Variants in MGRN1 observed in about 807,000 individuals in gnomAD.
The protein encoded by MGRN1 is E3 ubiquitin-protein ligase MGRN1.
Under a neutral mutation model 69.2 loss-of-function variants are expected in MGRN1, and 29 were observed. The ratio of observed to expected loss-of-function variants is 0.42; its 90% CI spans 0.31 to 0.57. The LOEUF (loss-of-function observed/expected upper bound fraction) is 0.57, where lower values mean the gene tolerates loss of function less well. MGRN1 is among the 20% of genes least tolerant of loss of function. MGRN1 has a pLI of 0.15. For missense variants in MGRN1, 998 were observed against 796.2 expected, an observed-to-expected ratio of 1.25 and a Z score of -3.05; for synonymous variants, 470 against 344.2, an observed-to-expected ratio of 1.37 and a Z score of -4.04.
Position 4,688,902 on chromosome 16 carries a change from A to G in MGRN1, c.1725A>G (p.Pro575=). ...ATCCCAGCGCCGCCGAGCTGACCCC[A>G]CTCTGAGAGCCTGGCCGAGCTGGCA... is the stretch of plus-strand genomic sequence containing the variant. The part of the protein sequence containing the change: ...SPDPSAAELT[P]L The change falls in exon 17 of 17, where the codon CCA becomes CCG. Residue 575 remains proline (P), a synonymous_variant. Transcript: ENST00000262370. 1 of 1,542,058 alleles carries G rather than the reference A, an allele frequency of 6.5e-7. No homozygotes were observed. Among genetic ancestry groups the G allele is most frequent in the Non-Finnish European group, 8.8e-7 (1 of 1,140,554 alleles).
intron 4 of MGRN1, among the ~76,000 whole-genome samples, chr16:4,655,974 C>T (rs1168438206): frequency 6.6e-6 from 1 of 152,242 alleles, no homozygotes; most frequent in South Asian, 2.1e-4. Context: ...TCCAACCATG[C>T]TGGGCTCTGG....
chr16:4,652,796 T>A lies in MGRN1; in HGVS notation c.415T>A (p.Ser139Thr), dbSNP rs1450921488. ...GGCCATCACCATCTACTGCCAGGCA[T>A]CGGAGGAGTTCCTGAACGGCAGGGC... Reference protein sequence around the residue: ...RVAITIYCQASEEFLNGRAVY... With the variant: ...RVAITIYCQATEEFLNGRAVY... The change falls in exon 4 of 17, where the codon TCG (serine) becomes ACG (threonine). Residue 139 changes from serine (S) to threonine (T), a missense_variant. By Grantham distance (58) the Ser-to-Thr change is moderately conservative. Coordinates refer to ENST00000262370, the MANE Select transcript of MGRN1 (RefSeq NM_015246.4). 1.9e-6 allele frequency: 3 copies of A among 1,610,486 alleles called. No homozygotes were observed. The highest frequency in any genetic ancestry group is 1.7e-6 in the Non-Finnish European group (2 of 1,178,506).
Position 4,681,650 on chromosome 16 carries a change from A to G in MGRN1, c.1232A>G (p.Tyr411Cys). The G allele has an allele frequency of 6.2e-7, 1 of 1,613,456 alleles. No individual in the cohort carries two copies. Among genetic ancestry groups the G allele is most frequent in the Non-Finnish European group, 8.5e-7 (1 of 1,180,010 alleles). ...VSPAIPSAPLYEEITYSGISD... is the reference protein window; with the variant it reads ...VSPAIPSAPLCEEITYSGISD... Reference sequence around the variant, plus strand: ...CCGGCCATCCCCTCGGCCCCTCTTTATGAAGAAATCACCTATTCAGGCATC... The same window carrying G: ...CCGGCCATCCCCTCGGCCCCTCTTTGTGAAGAAATCACCTATTCAGGCATC... Residue 411 changes from tyrosine to cysteine, a missense_variant, in exon 13 of 17, where the codon TAT (tyrosine) becomes TGT (cysteine). Transcript: ENST00000262370.
chr16:4,650,529 C>A (rs753862659), intron 2 of MGRN1, 46 bp downstream of exon 2: 8 of 1,461,592 alleles, frequency 5.5e-6, no homozygotes, highest in Admixed American at 2.1e-5. Flanking sequence ...GGGTGGGAGG[C>A]CCCTGTCCCC....
At chr16:4,650,601 GCTC>G in intron 2 of MGRN1, 118 bp downstream of exon 2, 4 of 771,668 alleles carry the variant, frequency 5.2e-6, no homozygotes, top group Non-Finnish European at 8.3e-6. Flanking sequence ...AGGGGGCAGA[GCTC>G]CTGGCAGGAT....
intron 1 of MGRN1, among the ~76,000 whole-genome samples, chr16:4,642,128 C>CTT (rs34264611): frequency 0.061 from 7,896 of 128,704 alleles, 672 homozygotes; most frequent in African/African-American, 0.19. Flanking sequence ...GACTTGGTTC[C>CTT]TTTTTTTTTT....
chr16:4,672,822 A>T (rs2078968782), intron 9 of MGRN1, among the ~76,000 whole-genome samples: 1 of 152,042 alleles, frequency 6.6e-6, no homozygotes, highest in Non-Finnish European at 1.5e-5. Flanking sequence ...CTAACATATT[A>T]ACTTGTTTTT....
chr16:4,647,092 G>A (rs576820377), intron 1 of MGRN1, among the ~76,000 whole-genome samples: 51 of 152,368 alleles, frequency 3.3e-4, no homozygotes, highest in Admixed American at 3.3e-4. Flanking sequence ...GGGTCACTGG[G>A]CTTCCCACAC....
chr16:4,675,878 C>T (rs999522451), intron 10 of MGRN1, among the ~76,000 whole-genome samples: 2 of 152,210 alleles, frequency 1.3e-5, no homozygotes, highest in Non-Finnish European at 2.9e-5. Flanking sequence ...TGAGTGTCTT[C>T]CAGTAGAGGG....
chr16:4,627,747 G>A (rs1041995188), intron 1 of MGRN1, among the ~76,000 whole-genome samples: 27 of 151,136 alleles, frequency 1.8e-4, no homozygotes, highest in Non-Finnish European at 3.4e-4. Flanking sequence ...CCGAGATTGC[G>A]CCACTGCACT....
rs749601050 is a variant in MGRN1 at position 4,651,965 on chromosome 16, T to A, written c.210T>A (p.Phe70Leu). ...LNFLGSRPVQFPYVTPAPHEP... is the reference protein window; with the variant it reads ...LNFLGSRPVQLPYVTPAPHEP... ...GGGCCCTGTGGTTTTTCTCCTAGTT[T>A]CCCTACGTCACTCCTGCCCCCCACG... is the stretch of plus-strand genomic sequence containing the variant. Residue 70 changes from phenylalanine (F) to leucine (L), a missense_variant and splice_region_variant, in exon 3 of 17, where the codon TTT (phenylalanine) becomes TTA (leucine). Transcript: ENST00000262370. The A allele has an allele frequency of 6.2e-7, 1 of 1,613,836 alleles. No individual in the cohort carries two copies. The highest frequency in any genetic ancestry group is 2.2e-5 in the East Asian group (1 of 44,874).
intron 1 of MGRN1, among the ~76,000 whole-genome samples, chr16:4,638,847 T>A (rs534366634): frequency 4.6e-5 from 7 of 152,138 alleles, no homozygotes; most frequent in African/African-American, 1.4e-4. Context: ...CTTCCTCGGG[T>A]GGGAACGATG....
At chr16:4,672,522 T>C (rs774019408) in intron 9 of MGRN1, 1 of 451,380 alleles carries the variant, frequency 2.2e-6, no homozygotes, top group Non-Finnish European at 4.5e-6. Flanking sequence ...GGGAAGTCAG[T>C]GCATTCATGT....
chr16:4,649,906 G>A (rs777940961), intron 1 of MGRN1: 19 of 157,588 alleles, frequency 1.2e-4, no homozygotes, highest in Admixed American at 5.1e-4. Flanking sequence ...AGGGGCACCC[G>A]CTGGCCTGTC....
At chr16:4,632,311 G>A (rs1253091902) in intron 1 of MGRN1, among the ~76,000 whole-genome samples, 1 of 151,976 alleles carries the variant, frequency 6.6e-6, no homozygotes, top group Non-Finnish European at 1.5e-5. Flanking sequence ...ACTGCGCCCG[G>A]CTATTCTTAA....
chr16:4,647,771 G>A (rs1317645838), intron 1 of MGRN1, among the ~76,000 whole-genome samples: 2 of 152,178 alleles, frequency 1.3e-5, no homozygotes, highest in Non-Finnish European at 2.9e-5. Flanking sequence ...TGAAGCAGTT[G>A]CCGCTTTCTT....
Position 4,681,253 on chromosome 16 carries a change from G to A in MGRN1, c.1132-297G>A, listed in dbSNP as rs144729945. The A allele has an allele frequency of 2.7e-3, 1,172 of 436,388 alleles. 5 individuals are homozygous for A. Among genetic ancestry groups the A allele is most frequent in the Middle Eastern group, 0.014 (23 of 1,692 alleles). 27.0% of individuals were successfully genotyped at this position (436,388 alleles called of 1,614,324 possible). A position where few individuals can be genotyped will look rare whatever the true frequency, so the allele number is the denominator to read the frequency against. On this transcript the variant is annotated intron_variant, in intron 12 of 16. Transcript: ENST00000262370. ...CTTCACTCTCCACCTGGGGCCAGGCGGGACTGAAAGCCAGGGAGGGGCTGG... is the reference window on the plus strand; with the variant it reads ...CTTCACTCTCCACCTGGGGCCAGGCAGGACTGAAAGCCAGGGAGGGGCTGG...
Position 4,683,310 on chromosome 16 carries a change from C to T in MGRN1, c.1528+41C>T, listed in dbSNP as rs185515998. The T allele has an allele frequency of 3.1e-3, 5,012 of 1,609,858 alleles. 89 individuals are homozygous for T. In the Admixed American group the frequency reaches 0.039, roughly 13 times the overall value. ...CATGGGCACAAACCGCATGCAGGGA[C>T]CAGGCAGCCCTGGCTTACTGGGGCC... On this transcript the variant is annotated intron_variant, in intron 15 of 16. Transcript: ENST00000262370.
chr16:4,641,710 A>G (rs1312495572), intron 1 of MGRN1, among the ~76,000 whole-genome samples: 1 of 151,344 alleles, frequency 6.6e-6, no homozygotes, highest in Non-Finnish European at 1.5e-5. Context: ...TAGAGACGGG[A>G]GTTTCTCCAT....
Sources: gnomAD v4.1 joint callset for allele counts (sites outside exome capture counted in the v4.1 genomes callset) on GRCh38, gnomAD v4.1.1 for gene constraint, MANE v1.5 for transcripts, NCBI Gene and HGNC (gene_info 2026-07-23, HGNC 2026-07-21) for gene names.